SOX5: variants seen among roughly 807,000 people sequenced by gnomAD.
SOX5 encodes SRY-box transcription factor 5.
Under a neutral mutation model 92.0 loss-of-function variants are expected in SOX5, and 9 were observed. That is an observed-to-expected ratio of 0.10 (90% CI 0.06 to 0.17). SOX5 has a LOEUF of 0.17. Ranked by LOEUF, SOX5 falls within the 10% of genes least tolerant of loss-of-function variation. The pLI is 1.00. For synonymous variants in SOX5, 344 were observed against 336.3 expected (o/e 1.02, Z -0.25); for missense variants, 642 against 944.5 (o/e 0.68, Z 4.20).
intron 3 of SOX5, among the ~76,000 whole-genome samples, chr12:23,793,792 C>A (rs1252599070): frequency 6.6e-6 from 1 of 152,184 alleles, no homozygotes; most frequent in Admixed American, 6.6e-5. Flanking sequence ...AAGAAAAGCA[C>A]CAAGGTGCAA....
intron 3 of SOX5, among the ~76,000 whole-genome samples, chr12:24,248,808 G>A (rs1462357091): frequency 6.6e-6 from 1 of 151,900 alleles, no homozygotes; most frequent in East Asian, 1.9e-4. Flanking sequence ...TTCTAACTTT[G>A]GTAAGGTTAC....
intron 4 of SOX5, among the ~76,000 whole-genome samples, chr12:24,122,818 G>T (rs1216397555): frequency 6.6e-6 from 1 of 152,144 alleles, no homozygotes; most frequent in Non-Finnish European, 1.5e-5. Flanking sequence ...AAGTGAATTA[G>T]AGGTCAGCAG....
At chr12:24,320,775 G>A (rs1950133564) in intron 2 of SOX5, among the ~76,000 whole-genome samples, 1 of 151,920 alleles carries the variant, frequency 6.6e-6, no homozygotes, top group African/African-American at 2.4e-5. Flanking sequence ...TGAGGCAGGA[G>A]AATGGCGTGA....
chr12:23,807,255 G>A (rs547856117), intron 3 of SOX5, among the ~76,000 whole-genome samples: 10 of 152,178 alleles, frequency 6.6e-5, no homozygotes, highest in Admixed American at 3.9e-4. Flanking sequence ...TGTGTCCCTC[G>A]AAGGATATGC....
intron 6 of SOX5, among the ~76,000 whole-genome samples, chr12:23,673,321 T>G (rs763348736): frequency 1.3e-5 from 2 of 152,164 alleles, no homozygotes; most frequent in Non-Finnish European, 2.9e-5. Flanking sequence ...TATACAATTC[T>G]ACTTGTTTCC....
intron 3 of SOX5, among the ~76,000 whole-genome samples, chr12:24,229,312 C>A (rs569602624): frequency 1.3e-5 from 2 of 152,226 alleles, no homozygotes; most frequent in African/African-American, 2.4e-5. Flanking sequence ...GTTTGATTCT[C>A]ATTGCCAAGT....
intron 6 of SOX5, among the ~76,000 whole-genome samples, chr12:23,698,113 T>A (rs1395552865): frequency 2.0e-5 from 3 of 152,174 alleles, no homozygotes; most frequent in Admixed American, 2.0e-4. Context: ...TTATAACTTT[T>A]CATGTAGAGT....
intron 4 of SOX5, among the ~76,000 whole-genome samples, chr12:24,196,362 G>A (rs1198180524): frequency 6.6e-6 from 1 of 152,208 alleles, no homozygotes; most frequent in Non-Finnish European, 1.5e-5. Flanking sequence ...AAACAGTATT[G>A]AGTTAGTGCT....
At chr12:23,991,833 A>G (rs1950587057) in intron 4 of SOX5, among the ~76,000 whole-genome samples, 1 of 152,048 alleles carries the variant, frequency 6.6e-6, no homozygotes, top group Non-Finnish European at 1.5e-5. Flanking sequence ...TTGTCACATG[A>G]AAAGAATACT....
rs181723472 is a variant in SOX5, at chr12:24,137,459, C to T, written c.-2+75884G>A. 3.7e-3 allele frequency among the ~76,000 whole-genome samples: 561 copies of T among 152,102 alleles called. 1 individual carries two copies. The highest frequency in any genetic ancestry group is 0.02 in the Middle Eastern group (6 of 294). On this transcript the variant is annotated intron_variant, in intron 4 of 4. Transcript: ENST00000446891. Reference sequence around the variant, plus strand: ...CAGCCTGACCAATGTGATGAAACCCCGTCTCTATTTAAAAATACAAAAATT... The same window carrying T: ...CAGCCTGACCAATGTGATGAAACCCTGTCTCTATTTAAAAATACAAAAATT...
chr12:24,335,430 G>A (rs1951778272), intron 2 of SOX5, among the ~76,000 whole-genome samples: 2 of 152,144 alleles, frequency 1.3e-5, no homozygotes, highest in African/African-American at 4.8e-5. Context: ...GGTACTAAGT[G>A]CAGCACACAT....
intron 10 of SOX5, among the ~76,000 whole-genome samples, chr12:23,569,354 T>G (rs1947734000): frequency 6.6e-6 from 1 of 152,188 alleles, no homozygotes; most frequent in Non-Finnish European, 1.5e-5. Context: ...ATTCCATGTA[T>G]AAGTGTAAGA....
intron 8 of SOX5, among the ~76,000 whole-genome samples, chr12:23,630,140 T>C (rs924810831): frequency 6.6e-6 from 1 of 151,980 alleles, no homozygotes; most frequent in Non-Finnish European, 1.5e-5. Context: ...AAAGCACCTA[T>C]GTAAAAATAA....
chr12:24,066,329 C>G (rs937618680), intron 4 of SOX5, among the ~76,000 whole-genome samples: 17 of 152,064 alleles, frequency 1.1e-4, no homozygotes, highest in Admixed American at 3.9e-4. Flanking sequence ...AAATACTAGA[C>G]TTTAAGATAG....
chr12:23,959,335 G>GA (rs1946634504), intron 4 of SOX5, among the ~76,000 whole-genome samples: 1 of 151,822 alleles, frequency 6.6e-6, no homozygotes, highest in South Asian at 2.1e-4. Context: ...AGAATATAGA[G>GA]AAAAAACCTA....
In SOX5 at chr12:24,506,320, A is replaced by C. The variant is rs113340710; in HGVS notation, c.-251+56009T>G. On this transcript the variant is annotated intron_variant, in intron 1 of 4. Transcript: ENST00000446891. Reference sequence around the variant, plus strand: ...TACATGAAGCAAGCAAATCTGGCTGACAATTAACTAGAGATTAAAAAGAAA... The same window carrying C: ...TACATGAAGCAAGCAAATCTGGCTGCCAATTAACTAGAGATTAAAAAGAAA... 4.7e-3 allele frequency among the ~76,000 whole-genome samples: 717 copies of C among 152,234 alleles called. 7 individuals are homozygous for C. Among genetic ancestry groups the C allele is most frequent in the Middle Eastern group, 0.041 (12 of 294 alleles).
intron 1 of SOX5, among the ~76,000 whole-genome samples, chr12:24,502,344 A>G (rs1361887652): frequency 6.6e-6 from 1 of 152,186 alleles, no homozygotes; most frequent in East Asian, 1.9e-4. Flanking sequence ...TCAAAAGGAT[A>G]TGGGCGTCAA....
intron 1 of SOX5, among the ~76,000 whole-genome samples, chr12:24,445,674 A>G (rs1198014158): frequency 1.3e-5 from 2 of 152,200 alleles, no homozygotes; most frequent in African/African-American, 4.8e-5. Context: ...ATATTCATAG[A>G]GAGCTGCTAT....
intron 2 of SOX5, among the ~76,000 whole-genome samples, chr12:24,279,640 T>C (rs960590540): frequency 6.6e-6 from 1 of 152,104 alleles, no homozygotes; most frequent in Non-Finnish European, 1.5e-5. Context: ...GCTCAATTCC[T>C]TCATATCCTT....
Sources: gnomAD v4.1 joint callset for allele counts (sites outside exome capture counted in the v4.1 genomes callset) on GRCh38, gnomAD v4.1.1 for gene constraint, MANE v1.5 for transcripts, NCBI Gene and HGNC (gene_info 2026-07-23, HGNC 2026-07-21) for gene names.